Variants in TSPAN12 observed in about 807,000 individuals in gnomAD.
TSPAN12 encodes the protein tetraspanin-12.
A neutral mutation model predicts 39.2 loss-of-function variants in TSPAN12; 19 were observed. The ratio of observed to expected loss-of-function variants is 0.49; its 90% CI spans 0.34 to 0.71. The LOEUF is 0.71. TSPAN12 is among the 30% of genes least tolerant of loss of function. TSPAN12 has a pLI of 0.01. For missense variants in TSPAN12, 314 were observed against 359.9 expected (o/e 0.87, Z 1.03); for synonymous variants, 119 against 124.8 (o/e 0.95, Z 0.31).
chr7:120,817,172 G>T (rs58686737), intron 4 of TSPAN12, among the ~76,000 whole-genome samples: 2 of 151,900 alleles, frequency 1.3e-5, no homozygotes, highest in Non-Finnish European at 2.9e-5. Context: ...CCAGGAATTC[G>T]AGACCAGCCT....
intron 7 of TSPAN12, among the ~76,000 whole-genome samples, chr7:120,792,066 A>G (rs888195372): frequency 2.0e-5 from 3 of 152,152 alleles, no homozygotes; most frequent in African/African-American, 7.2e-5. Context: ...TATTCACGAA[A>G]AGCTGCTGAA....
rs1043219161 is a variant in TSPAN12 at position 120,799,698 on chromosome 7, AATT to A, written c.612+6848_612+6850del. On this transcript the variant is annotated intron_variant, in intron 7 of 7. Transcript: ENST00000222747. ...TTAAATATATATAATTTAATTATAT[AATT>A]ATTATATTATATTAAATATTTATTA... Among the ~76,000 whole-genome samples the A allele has an allele frequency of 1.4e-3, 159 of 115,400 alleles. 2 individuals are homozygous for A. The highest frequency in any genetic ancestry group is 4.7e-3 in the African/African-American group (132 of 28,174). The allele number at this position is 115,400 out of a possible 152,430, so 75.7% of individuals were successfully genotyped here.
rs774111149 is a variant in TSPAN12 at position 120,840,117 on chromosome 7, GA to G, written c.67-9del. 58 of 1,608,584 alleles carry G rather than the reference GA, an allele frequency of 3.6e-5. No individual in the cohort carries two copies. The East Asian group carries it at 6.7e-4, about 19-fold the overall frequency. On this transcript the variant is annotated splice_polypyrimidine_tract_variant and intron_variant, in intron 2 of 7. Coordinates refer to ENST00000222747, the MANE Select transcript of TSPAN12 (RefSeq NM_012338.4). Reference sequence around the variant, plus strand: ...CACACTGATGGACATTAACTGGGGAGAAAAAAGTACAAACCGGTTACCAAAG... The same window carrying G: ...CACACTGATGGACATTAACTGGGGAGAAAAAGTACAAACCGGTTACCAAAG...
intron 7 of TSPAN12, 125 bp downstream of exon 7, chr7:120,806,424 A>G (rs1266358996): frequency 1.0e-6 from 1 of 974,230 alleles, no homozygotes; most frequent in Non-Finnish European, 1.5e-6. Context: ...CCCATATTAG[A>G]GAAAAATTTT....
At chr7:120,805,594 C>T (rs933449678) in intron 7 of TSPAN12, among the ~76,000 whole-genome samples, 1 of 152,042 alleles carries the variant, frequency 6.6e-6, no homozygotes, top group Admixed American at 6.6e-5. Context: ...ATGATCCCAA[C>T]CCCTTAGCCT....
At chr7:120,827,358 A>G (rs1794309007) in intron 4 of TSPAN12, among the ~76,000 whole-genome samples, 1 of 152,214 alleles carries the variant, frequency 6.6e-6, no homozygotes, top group Admixed American at 6.5e-5. Context: ...TGTTCTTTTC[A>G]TTGATAAATA....
chr7:120,797,073 C>A (rs1176861789), intron 7 of TSPAN12, among the ~76,000 whole-genome samples: 3 of 152,172 alleles, frequency 2.0e-5, no homozygotes, highest in Non-Finnish European at 4.4e-5. Context: ...AGGAGAATGG[C>A]GTGAACCTGA....
intron 5 of TSPAN12, among the ~76,000 whole-genome samples, chr7:120,813,568 A>G (rs980263682): frequency 2.0e-5 from 3 of 152,232 alleles, no homozygotes; most frequent in Non-Finnish European, 4.4e-5. Context: ...TAGAAGATTT[A>G]CCAAATATTG....
At position 120,788,150 on chromosome 7, in the gene TSPAN12, C is replaced by A. The variant is rs1487476036; in HGVS notation, c.*442G>T. 1 of 173,062 alleles carries A rather than the reference C, an allele frequency of 5.8e-6. No homozygotes were observed. The highest frequency in any genetic ancestry group is 2.4e-5 in the African/African-American group (1 of 41,610). 10.7% of individuals were successfully genotyped at this position (173,062 alleles called of 1,614,324 possible). ...TTTATTTAGCATCAGAAGAATAGAT[C>A]GCTGAGTAATAAAAGTTATTAGTAT... On this transcript the variant is annotated 3_prime_UTR_variant, in exon 8 of 8. Transcript: ENST00000222747.
Position 120,798,349 on chromosome 7 carries a change from G to A in TSPAN12, c.612+8200C>T, listed in dbSNP as rs115556314. 5.6e-3 allele frequency among the ~76,000 whole-genome samples: 850 copies of A among 152,264 alleles called. 11 individuals carry two copies. Among genetic ancestry groups the A allele is most frequent in the African/African-American group, 0.019 (806 of 41,532 alleles). ...AACCAGATCTCATCAGCAGCTACTT[G>A]CAGAGGAGATAATGAAGTCAGTAGA... On this transcript the variant is annotated intron_variant, in intron 7 of 7. Transcript: ENST00000222747.
Position 120,798,489 on chromosome 7 carries a change from G to A in TSPAN12, c.612+8060C>T, listed in dbSNP as rs531853248. On this transcript the variant is annotated intron_variant, in intron 7 of 7. Coordinates refer to ENST00000222747, the MANE Select transcript of TSPAN12 (RefSeq NM_012338.4). The stretch of plus-strand genomic sequence containing the variant: ...TGCAAACTGCAAACTGCCTACCGTT[G>A]ACTATCTGAGCAGGAGGGTTTACGG... Among the ~76,000 whole-genome samples, 626 of 152,286 alleles carry A rather than the reference G, an allele frequency of 4.1e-3. 2 individuals carry two copies. Among genetic ancestry groups the A allele is most frequent in the Non-Finnish European group, 7.1e-3 (482 of 68,014 alleles).
intron 2 of TSPAN12, among the ~76,000 whole-genome samples, chr7:120,842,811 A>G (rs1388009588): frequency 6.6e-6 from 1 of 151,962 alleles, no homozygotes; most frequent in African/African-American, 2.4e-5. Context: ...AAGCCAATAC[A>G]TTTTGTTTTG....
chr7:120,804,345 A>T (rs187318721), intron 7 of TSPAN12, among the ~76,000 whole-genome samples: 20 of 152,178 alleles, frequency 1.3e-4, no homozygotes, highest in Admixed American at 1.1e-3. Flanking sequence ...AGTTTGCCGC[A>T]TTTATTAGTT....
At chr7:120,812,637 C>G (rs2116375067) in intron 5 of TSPAN12, among the ~76,000 whole-genome samples, 1 of 152,132 alleles carries the variant, frequency 6.6e-6, no homozygotes, top group East Asian at 1.9e-4. Context: ...CATCCAAACA[C>G]TTGGGCACAC....
At chr7:120,799,786 T>A (rs1044732837) in intron 7 of TSPAN12, among the ~76,000 whole-genome samples, 1 of 135,744 alleles carries the variant, frequency 7.4e-6, no homozygotes, top group African/African-American at 2.7e-5. Flanking sequence ...AAATTATATA[T>A]AATAAATATA....
At chr7:120,795,397 C>G (rs1268464100) in intron 7 of TSPAN12, among the ~76,000 whole-genome samples, 1 of 152,174 alleles carries the variant, frequency 6.6e-6, no homozygotes, top group African/African-American at 2.4e-5. Flanking sequence ...AAATCCCCTA[C>G]ATTTCCTGGA....
At chr7:120,856,330 A>G (rs115305292) in intron 2 of TSPAN12, among the ~76,000 whole-genome samples, 4,160 of 152,270 alleles carry the variant, frequency 0.027, 188 homozygotes, top group African/African-American at 0.096. Context: ...CAGAGATGTA[A>G]AGAAACAATT....
intron 4 of TSPAN12, among the ~76,000 whole-genome samples, chr7:120,836,669 G>GT (rs1235022066): frequency 6.6e-6 from 1 of 152,158 alleles, no homozygotes; most frequent in Non-Finnish European, 1.5e-5. Flanking sequence ...TACATGATCA[G>GT]TAAGTATTTG....
intron 4 of TSPAN12, among the ~76,000 whole-genome samples, chr7:120,833,032 G>C (rs767301066): frequency 2.0e-5 from 3 of 152,098 alleles, no homozygotes; most frequent in African/African-American, 4.8e-5. Flanking sequence ...GGCTGCATTT[G>C]AATGCTAACA....
Sources: allele counts gnomAD v4.1 joint callset (sites outside exome capture counted in the v4.1 genomes callset), GRCh38; gene constraint gnomAD v4.1.1; transcripts MANE v1.5; gene names NCBI Gene and HGNC (gene_info 2026-07-23, HGNC 2026-07-21).